BIRC6: variants seen among roughly 807,000 people sequenced by gnomAD.
BIRC6 encodes dual E2 ubiquitin-conjugating enzyme/E3 ubiquitin-protein ligase BIRC6.
Under a neutral mutation model 503.3 loss-of-function variants are expected in BIRC6, and 98 were observed. The observed-to-expected ratio is 0.19, with a 90% CI of 0.17 to 0.23. BIRC6 has a LOEUF of 0.23. Ranked by LOEUF, BIRC6 falls within the 10% of genes least tolerant of loss-of-function variation. BIRC6 has a pLI of 1.00. For missense variants in BIRC6, 5,360 were observed against 5,806.0 expected (o/e 0.92, Z 2.50); for synonymous variants, 2,240 against 2,078.7 (o/e 1.08, Z -2.11).
chr2:32,480,448 G>T (rs1014888729), intron 37 of BIRC6, among the ~76,000 whole-genome samples: 1 of 151,930 alleles, frequency 6.6e-6, no homozygotes, highest in Non-Finnish European at 1.5e-5. Context: ...CCTCATACAG[G>T]CTGGCATTTA....
intron 62 of BIRC6, 23 bp from the exon 63 acceptor site, chr2:32,545,620 G>A: frequency 6.3e-7 from 1 of 1,577,518 alleles, no homozygotes; most frequent in Non-Finnish European, 8.7e-7. Flanking sequence ...TTAATCTTGA[G>A]TCCTCTTCTT....
At chr2:32,398,803 A>T (rs997485482) in intron 6 of BIRC6, among the ~76,000 whole-genome samples, 6 of 152,128 alleles carry the variant, frequency 3.9e-5, no homozygotes, top group African/African-American at 1.4e-4. Flanking sequence ...GGAAAGGGGT[A>T]AGGTACGCTA....
At chr2:32,490,982 G>T (rs2051629396) in intron 43 of BIRC6, among the ~76,000 whole-genome samples, 1 of 152,150 alleles carries the variant, frequency 6.6e-6, no homozygotes, top group African/African-American at 2.4e-5. Flanking sequence ...AAACTGTTGT[G>T]TTACCTGTAC....
At chr2:32,372,577 C>T (rs2036141190) in intron 1 of BIRC6, among the ~76,000 whole-genome samples, 1 of 152,010 alleles carries the variant, frequency 6.6e-6, no homozygotes, top group Admixed American at 6.6e-5. Flanking sequence ...GGTGTGGTGG[C>T]TTATTCTGTA....
In BIRC6 at chr2:32,568,976, GTC is replaced by G. The variant is rs201943902; in HGVS notation, c.13145-6172_13145-6171del. Reference sequence around the variant, plus strand: ...CCCACTTTTTGGAGGAGTCTCCCATGTCTCTCTCTTTTTTTTTTTTTTTTTGA... The same window carrying G: ...CCCACTTTTTGGAGGAGTCTCCCATGTCTCTCTTTTTTTTTTTTTTTTTGA... On this transcript the variant is annotated intron_variant, in intron 65 of 73. Transcript: ENST00000421745. Among the ~76,000 whole-genome samples, 28 of 143,146 alleles carry G rather than the reference GTC, an allele frequency of 2.0e-4. 3 individuals are homozygous for G. The highest frequency in any genetic ancestry group is 2.3e-4 in the African/African-American group (9 of 38,544). 93.9% of individuals were successfully genotyped at this position (143,146 alleles called of 152,430 possible). A position where few individuals can be genotyped will look rare whatever the true frequency, so the allele number is the denominator to read the frequency against.
At chr2:32,486,477 C>T (rs778723510) in intron 40 of BIRC6, among the ~76,000 whole-genome samples, 6 of 152,124 alleles carry the variant, frequency 3.9e-5, no homozygotes, top group African/African-American at 9.7e-5. Flanking sequence ...GGGTAGACCT[C>T]GGAGGAGTAC....
Position 32,477,536 on chromosome 2 carries a change from T to A in BIRC6, c.7021T>A (p.Ser2341Thr), listed in dbSNP as rs533997838. The change falls in exon 35 of 74, where the codon TCC (serine) becomes ACC (threonine). Residue 2341 changes from serine to threonine, a missense_variant. Ser to Thr is a moderately conservative substitution (Grantham distance 58). Around this residue, in one of 16 missense-constraint regions of BIRC6, gnomAD observed 2,299 missense variants for 2,267.2 expected, o/e 1.01. Coordinates refer to ENST00000421745, the MANE Select transcript of BIRC6 (RefSeq NM_016252.4). The part of the protein sequence containing the change: ...VVQKLVLFLL[S>T]MDFTCHADLL... ...CCAGAAACTTGTTCTGTTTCTTCTC[T>A]CCATGGACTTTACATGTCATGCAGA... The A allele has an allele frequency of 5.6e-6, 9 of 1,613,918 alleles. No homozygotes were observed. The highest frequency in any genetic ancestry group is 7.6e-6 in the Non-Finnish European group (9 of 1,179,854).
intron 72 of BIRC6, among the ~76,000 whole-genome samples, chr2:32,608,857 G>GTA (rs1467589827): frequency 6.6e-6 from 1 of 152,022 alleles, no homozygotes; most frequent in African/African-American, 2.4e-5. Flanking sequence ...ATTCTAATGT[G>GTA]TATATATAAG....
At chr2:32,373,553 C>T (rs945032981) in intron 1 of BIRC6, among the ~76,000 whole-genome samples, 1 of 152,116 alleles carries the variant, frequency 6.6e-6, no homozygotes, top group African/African-American at 2.4e-5. Context: ...TAAAGTTGGA[C>T]TTTAACACCA....
chr2:32,604,610 A>G (rs1163119164), intron 71 of BIRC6, among the ~76,000 whole-genome samples: 1 of 152,186 alleles, frequency 6.6e-6, no homozygotes, highest in Non-Finnish European at 1.5e-5. Context: ...TTTTGTTGTT[A>G]TTCTTATCAA....
Position 32,538,462 on chromosome 2 carries a change from T to G in BIRC6, c.12292-4779T>G, listed in dbSNP as rs185789091. On this transcript the variant is annotated intron_variant, in intron 61 of 73. Transcript: ENST00000421745. ...TACATTAGGAATAAAGGCTACAGCC[T>G]AATAAAGATTCACTTGAGAAATAAG... Among the ~76,000 whole-genome samples, 1,291 of 152,236 alleles carry G rather than the reference T, an allele frequency of 8.5e-3. 9 individuals carry two copies. Among genetic ancestry groups the G allele is most frequent in the Middle Eastern group, 0.02 (6 of 294 alleles).
chr2:32,552,739 G>T (rs2058507711), intron 65 of BIRC6, among the ~76,000 whole-genome samples: 1 of 152,074 alleles, frequency 6.6e-6, no homozygotes, highest in Admixed American at 6.6e-5. Context: ...GGAGGTTGCA[G>T]TAAGCCAAGA....
At chr2:32,574,868 C>T (rs1384054785) in intron 65 of BIRC6, 4 of 395,318 alleles carry the variant, frequency 1.0e-5, no homozygotes, top group African/African-American at 8.2e-5. Flanking sequence ...CCTGCCTCAG[C>T]CTCCGAGTAG....
intron 65 of BIRC6, among the ~76,000 whole-genome samples, chr2:32,555,607 G>A (rs1159571764): frequency 4.0e-5 from 6 of 151,626 alleles, no homozygotes; most frequent in Middle Eastern, 3.2e-3. Flanking sequence ...CAGCCTGGGC[G>A]ACAGAGCAAG....
Position 32,518,866 on chromosome 2 carries a change from T to C in BIRC6, c.11543T>C (p.Met3848Thr), listed in dbSNP as rs1312401432. ...ACTAGCCACGTCATCCAGCATCCAA[T>C]GTATGGAGCAGGCCACAAATTCCGT... ...NATSHVIQHP[M>T]YGAGHKFRTL... Residue 3848 changes from methionine (M) to threonine (T), a missense_variant, in exon 57 of 74, where the codon ATG (methionine) becomes ACG (threonine). Met to Thr is a moderately conservative substitution (Grantham distance 81). Around this residue, in one of 16 missense-constraint regions of BIRC6, gnomAD observed 878 missense variants for 928.9 expected, o/e 0.95. Transcript: ENST00000421745. 1 of 1,613,700 alleles carries C rather than the reference T, an allele frequency of 6.2e-7. No individual in the cohort carries two copies. Among genetic ancestry groups the C allele is most frequent in the Non-Finnish European group, 8.5e-7 (1 of 1,179,664 alleles).
intron 32 of BIRC6, among the ~76,000 whole-genome samples, chr2:32,472,000 T>C (rs141482684): frequency 5.6e-4 from 86 of 152,346 alleles, no homozygotes; most frequent in African/African-American, 1.6e-3. Flanking sequence ...TAAAAAATAA[T>C]GTATATCTAT....
chr2:32,389,047 C>CA, intron 4 of BIRC6, 104 bp downstream of exon 4: 1 of 775,398 alleles, frequency 1.3e-6, no homozygotes, highest in Non-Finnish European at 1.8e-6. Flanking sequence ...AAAAATTTCA[C>CA]AATTTCTAGC....
At chr2:32,607,897 G>C (rs368817800) in intron 72 of BIRC6, among the ~76,000 whole-genome samples, 2 of 147,478 alleles carry the variant, frequency 1.4e-5, no homozygotes, top group African/African-American at 5.0e-5. Flanking sequence ...GGTTGAACCT[G>C]GGAGGCGGAA....
chr2:32,497,752 G>A (rs1449955113), intron 45 of BIRC6, among the ~76,000 whole-genome samples: 1 of 151,972 alleles, frequency 6.6e-6, no homozygotes, highest in South Asian at 2.1e-4. Flanking sequence ...TCAAAAAAAG[G>A]CAGCTTATAG....
Sources: gnomAD v4.1 joint callset for allele counts (sites outside exome capture counted in the v4.1 genomes callset) on GRCh38, gnomAD v4.1.1 for gene constraint, gnomAD v4.1.1 regional missense constraint, MANE v1.5 for transcripts, NCBI Gene and HGNC (gene_info 2026-07-23, HGNC 2026-07-21) for gene names.